SMC2: variants seen among roughly 807,000 people sequenced by gnomAD.
The protein encoded by SMC2 is structural maintenance of chromosomes 2.
In SMC2, 41 loss-of-function variants were observed where a neutral mutation model predicts 142.6. The observed-to-expected ratio is 0.29, with a 90% CI of 0.22 to 0.37. SMC2 has a LOEUF of 0.37. Among genes scored for constraint, SMC2 ranks in the 10% least tolerant of loss-of-function variants. The probability of loss-of-function intolerance (pLI) is 1.00; values close to 1 mark genes in which losing one functional copy is unlikely to be tolerated. For missense variants in SMC2, 1,265 were observed against 1,373.7 expected, an observed-to-expected ratio of 0.92 and a Z score of 1.25; for synonymous variants, 463 against 457.5, an observed-to-expected ratio of 1.01 and a Z score of -0.15.
chr9:104,139,999 T>C lies in SMC2; in HGVS notation c.*684T>C, dbSNP rs1220118211. 6.6e-6 allele frequency: 1 copy of C among 152,148 alleles called. No homozygotes were observed. Among genetic ancestry groups the C allele is most frequent in the Non-Finnish European group, 1.5e-5 (1 of 67,990 alleles). The allele number at this position is 152,148 out of a possible 1,614,324, so 9.4% of individuals were successfully genotyped here. ...ATTGGTCTCTACGACTTTAATGTTT[T>C]TGTTTTTTTAAGCTGTGTAAGTATT... On this transcript the variant is annotated 3_prime_UTR_variant, in exon 25 of 25. Transcript: ENST00000374793.
rs768781263 is a variant in SMC2 at position 104,129,615 on chromosome 9, G to C, written c.2791-30G>C. On this transcript the variant is annotated intron_variant, in intron 20 of 24. Transcript: ENST00000374793. ...ACATATTGGTTTGTAAACATTCATAGATCTCCCATCTATTTTTATATGTGG... is the reference window on the plus strand; with the variant it reads ...ACATATTGGTTTGTAAACATTCATACATCTCCCATCTATTTTTATATGTGG... 2.6e-6 allele frequency: 4 copies of C among 1,528,616 alleles called. No individual in the cohort carries two copies. The African/African-American group carries it at 5.5e-5, about 21-fold the overall frequency. The allele number at this position is 1,528,616 out of a possible 1,614,324, so 94.7% of individuals were successfully genotyped here.
chr9:104,135,975 A>G (rs1588009485), intron 23 of SMC2: 5 of 514,022 alleles, frequency 9.7e-6, no homozygotes, highest in Non-Finnish European at 1.6e-5. Context: ...AGTGTTGGAA[A>G]CTAACATGGA....
intron 18 of SMC2, among the ~76,000 whole-genome samples, chr9:104,126,369 T>C (rs77554058): frequency 1.2e-3 from 190 of 152,356 alleles, no homozygotes; most frequent in African/African-American, 4.3e-3. Flanking sequence ...TAGAATGTTA[T>C]ATTATTTTCC....
chr9:104,111,819 A>G lies in SMC2; in HGVS notation c.1254+5A>G. 1 of 1,598,934 alleles carries G rather than the reference A, an allele frequency of 6.3e-7. No individual in the cohort carries two copies. The highest frequency in any genetic ancestry group is 8.6e-7 in the Non-Finnish European group (1 of 1,168,994). On this transcript the variant is annotated splice_donor_5th_base_variant and intron_variant, in intron 10 of 24. Coordinates refer to ENST00000374793, the MANE Select transcript of SMC2 (RefSeq NM_006444.3). The stretch of plus-strand genomic sequence containing the variant: ...GCTCAGACAGAAGCCAAACAGGTAA[A>G]TAGAGACATTAGCACTATGTGATTG...
At chr9:104,110,347 C>T (rs926353497) in intron 9 of SMC2, among the ~76,000 whole-genome samples, 2 of 152,104 alleles carry the variant, frequency 1.3e-5, no homozygotes, top group Admixed American at 6.6e-5. Context: ...ATAAACTTAT[C>T]GCATCAATAA....
rs757451748 is a variant in SMC2 at position 104,116,217 on chromosome 9, A to G, written c.1689A>G (p.Leu563=). ...VVDTEVTGKK[L]LERGELKRRY... ...TGTTGTAGGTTACTGGTAAAAAGCT[A>G]CTAGAAAGGGGGGAACTGAAACGTC... Residue 563 remains leucine (L), a synonymous_variant, in exon 14 of 25, where the codon CTA becomes CTG. Coordinates refer to ENST00000374793, the MANE Select transcript of SMC2 (RefSeq NM_006444.3). The G allele has an allele frequency of 6.3e-6, 10 of 1,598,762 alleles. No individual in the cohort carries two copies. Among genetic ancestry groups the G allele is most frequent in the African/African-American group, 2.7e-5 (2 of 73,890 alleles).
chr9:104,127,223 T>C (rs558989626), intron 19 of SMC2, 63 bp from the exon 20 acceptor site: 376 of 1,280,158 alleles, frequency 2.9e-4, no homozygotes, highest in Middle Eastern at 1.9e-3. Context: ...GATAATTGTT[T>C]AGTAAATTAA....
At chr9:104,091,179 G>A (rs1829977586), upstream of SMC2, among the ~76,000 whole-genome samples, 1 of 152,216 alleles carries the variant, frequency 6.6e-6, no homozygotes, top group Admixed American at 6.5e-5. Flanking sequence ...GATACGTTCT[G>A]AGAAACGCCT....
At chr9:104,110,599 T>C (rs1344857006) in intron 9 of SMC2, among the ~76,000 whole-genome samples, 1 of 80,960 alleles carries the variant, frequency 1.2e-5, no homozygotes, top group Non-Finnish European at 2.3e-5. Context: ...AAGGATCAAC[T>C]AAATAATTGA....
intron 20 of SMC2, 68 bp downstream of exon 20, chr9:104,127,548 A>G: frequency 8.3e-7 from 1 of 1,206,450 alleles, no homozygotes; most frequent in South Asian, 2.2e-5. Flanking sequence ...AAAAATTTAG[A>G]AAACTGCTTG....
chr9:104,127,459 G>A lies in SMC2; in HGVS notation c.2769G>A (p.Glu923=). ...LDHNISKHKR[E]AEDGAAKVSK... ...ACAACATCAGCAAACATAAACGGGA[G>A]GCTGAAGATGGTGCTGCAAAGGTAT... Residue 923 remains glutamate (E), a synonymous_variant, in exon 20 of 25, where the codon GAG becomes GAA. Coordinates refer to ENST00000374793, the MANE Select transcript of SMC2 (RefSeq NM_006444.3). 2 of 1,609,524 alleles carry A rather than the reference G, an allele frequency of 1.2e-6. No individual in the cohort carries two copies. Among genetic ancestry groups the A allele is most frequent in the Non-Finnish European group, 8.5e-7 (1 of 1,177,650 alleles).
rs1237178458 is a variant in SMC2 at position 104,114,046 on chromosome 9, A to G, written c.1497A>G (p.Leu499=). The G allele has an allele frequency of 8.8e-6, 14 of 1,593,134 alleles. No individual in the cohort carries two copies. Among genetic ancestry groups the G allele is most frequent in the Non-Finnish European group, 1.2e-5 (14 of 1,171,728 alleles). Reference sequence around the variant, plus strand: ...GATTGAAAGAAACATATGAAGCTCTATTAGCCAGATTTCCCAATCTTCGAT... The same window carrying G: ...GATTGAAAGAAACATATGAAGCTCTGTTAGCCAGATTTCCCAATCTTCGAT... ...IGRLKETYEA[L]LARFPNLRFA... is the part of the protein sequence containing the mutation. Residue 499 remains leucine, a synonymous_variant, in exon 12 of 25, where the codon CTA becomes CTG. Coordinates refer to ENST00000374793, the MANE Select transcript of SMC2 (RefSeq NM_006444.3).
intron 23 of SMC2, 129 bp from the exon 24 acceptor site, chr9:104,137,889 C>A (rs112371411): frequency 5.2e-5 from 27 of 521,388 alleles, no homozygotes; most frequent in African/African-American, 5.0e-4. Flanking sequence ...ACTCAAGATT[C>A]TTTTTTTTAT....
chr9:104,089,879 C>CTCCT (rs1386772706), upstream of SMC2, among the ~76,000 whole-genome samples: 1 of 152,116 alleles, frequency 6.6e-6, no homozygotes, highest in Non-Finnish European at 1.5e-5. Flanking sequence ...ATCTCCTGAC[C>CTCCT]TCCTGATCTG....
rs114205796 is a variant in SMC2 at position 104,115,631 on chromosome 9, T to C, written c.1672-569T>C. The stretch of plus-strand genomic sequence containing the variant: ...AACGTACAAGATGTTTTGATACATA[T>C]ACATAGTGAAATGATTATTGTAGTC... On this transcript the variant is annotated intron_variant, in intron 13 of 24. Transcript: ENST00000374793. Among the ~76,000 whole-genome samples the C allele has an allele frequency of 3.7e-3, 569 of 152,130 alleles. 4 individuals carry two copies. Among genetic ancestry groups the C allele is most frequent in the African/African-American group, 0.012 (513 of 41,514 alleles).
chr9:104,129,708 A>G lies in SMC2; in HGVS notation c.2854A>G (p.Asn952Asp). ...AGAGAGACACCTCTTTGGCCAACCC[A>G]ATAGTGCCTATGATTTCAAAACTAA... ...NAERHLFGQPNSAYDFKTNNP... is the reference protein window; with the variant it reads ...NAERHLFGQPDSAYDFKTNNP... The change falls in exon 21 of 25, where the codon AAT becomes GAT. Residue 952 changes from asparagine to aspartate, a missense_variant. Physicochemically the swap from Asn to Asp is conservative, Grantham distance 23. Transcript: ENST00000374793. The G allele has an allele frequency of 1.2e-6, 2 of 1,614,028 alleles. No individual in the cohort carries two copies. Among genetic ancestry groups the G allele is most frequent in the South Asian group, 1.1e-5 (1 of 91,084 alleles).
At chr9:104,096,864 G>A (rs77507028) in intron 3 of SMC2, among the ~76,000 whole-genome samples, 8,630 of 152,202 alleles carry the variant, frequency 0.057, 656 homozygotes, top group African/African-American at 0.18. Flanking sequence ...ATTATACCAA[G>A]TATGCTCCAG....
At chr9:104,101,435 A>G (rs1001176572) in intron 7 of SMC2, among the ~76,000 whole-genome samples, 13 of 152,178 alleles carry the variant, frequency 8.5e-5, no homozygotes, top group African/African-American at 3.1e-4. Context: ...CCTAGACTTC[A>G]TTTTGCCACA....
At position 104,138,177 on chromosome 9, in the gene SMC2, GAA is replaced by G; in HGVS notation, c.3417+18_3417+19del. On this transcript the variant is annotated intron_variant, in intron 24 of 24. Coordinates refer to ENST00000374793, the MANE Select transcript of SMC2 (RefSeq NM_006444.3). Reference sequence around the variant, plus strand: ...TCACACATTCTCAGGTAAGAACCAGGAAAAAAAGTCTCAGTAATAGTTTAATT... The same window carrying G: ...TCACACATTCTCAGGTAAGAACCAGGAAAAAGTCTCAGTAATAGTTTAATT... 1 of 1,572,206 alleles carries G rather than the reference GAA, an allele frequency of 6.4e-7. No individual in the cohort carries two copies. The highest frequency in any genetic ancestry group is 8.6e-7 in the Non-Finnish European group (1 of 1,157,244).
Sources: allele counts gnomAD v4.1 joint callset (sites outside exome capture counted in the v4.1 genomes callset), GRCh38; gene constraint gnomAD v4.1.1; transcripts MANE v1.5; gene names NCBI Gene and HGNC (gene_info 2026-07-23, HGNC 2026-07-21).